FAM47E: variants seen among roughly 807,000 people sequenced by gnomAD.
FAM47E encodes family with sequence similarity 47 member E.
A neutral mutation model predicts 41.6 loss-of-function variants in FAM47E; 32 were observed. The observed-to-expected ratio is 0.77, with a 90% CI of 0.58 to 1.03. The LOEUF (loss-of-function observed/expected upper bound fraction) is 1.03. Among genes scored for constraint, FAM47E ranks in the 50% least tolerant of loss-of-function variants. The pLI is 0.00. For missense variants in FAM47E, 424 were observed against 485.4 expected (o/e 0.87, Z 1.19); for synonymous variants, 184 against 188.7 (o/e 0.98, Z 0.20).
intron 3 of FAM47E, among the ~76,000 whole-genome samples, chr4:76,265,311 C>A (rs756738697): frequency 6.6e-6 from 1 of 152,158 alleles, no homozygotes; most frequent in Non-Finnish European, 1.5e-5. Context: ...CCTGGTCCAG[C>A]CTTGCAGGGG....
chr4:76,271,793 G>A (rs554242487), intron 5 of FAM47E, 25 bp downstream of exon 5: 96 of 1,538,690 alleles, frequency 6.2e-5, no homozygotes, highest in African/African-American at 2.3e-4. Context: ...GGACCAGACC[G>A]AAAATCAAAG....
intron 1 of FAM47E, among the ~76,000 whole-genome samples, chr4:76,253,573 G>C (rs1224428858): frequency 1.3e-5 from 2 of 152,196 alleles, no homozygotes; most frequent in East Asian, 3.9e-4. Context: ...AGGCCATGTG[G>C]GGGAGAGGAA....
chr4:76,268,328 G>A (rs1432276893), intron 3 of FAM47E: 1 of 206,036 alleles, frequency 4.9e-6, no homozygotes, highest in Non-Finnish European at 9.6e-6. Context: ...TGTCAAGGTT[G>A]CCTGAGGCTT....
chr4:76,234,484 CAGAGTCCCT>C (rs1733549999), intron 2 of FAM47E: 1 of 152,196 alleles, frequency 6.6e-6, no homozygotes, highest in Admixed American at 6.5e-5. Context: ...CTTGCTAGGC[CAGAGTCCCT>C]GCTAGAATGC....
chr4:76,219,179 C>A (rs959579314), intron 2 of FAM47E, among the ~76,000 whole-genome samples: 4 of 152,138 alleles, frequency 2.6e-5, no homozygotes, highest in Non-Finnish European at 5.9e-5. Flanking sequence ...TAAGCAATGG[C>A]ACTGGAATAC....
chr4:76,220,165 C>A (rs925413645), intron 2 of FAM47E, among the ~76,000 whole-genome samples: 2 of 152,128 alleles, frequency 1.3e-5, no homozygotes, highest in African/African-American at 4.8e-5. Flanking sequence ...AGGTATATAA[C>A]CCCCAAAATT....
intron 2 of FAM47E, among the ~76,000 whole-genome samples, chr4:76,221,082 C>T (rs9991301): frequency 0.42 from 64,398 of 152,028 alleles, 15,013 homozygotes; most frequent in East Asian, 0.94. Context: ...GACTGCCTGG[C>T]ACCATGCAAT....
intron 2 of FAM47E, among the ~76,000 whole-genome samples, chr4:76,226,577 G>A (rs1438634428): frequency 6.6e-6 from 1 of 152,116 alleles, no homozygotes; most frequent in Non-Finnish European, 1.5e-5. Context: ...CACAGAGCTT[G>A]GTGTTCCATA....
At chr4:76,273,109 A>C (rs1175093319) in intron 5 of FAM47E, among the ~76,000 whole-genome samples, 1 of 152,128 alleles carries the variant, frequency 6.6e-6, no homozygotes, top group Non-Finnish European at 1.5e-5. Context: ...TCCTATATAT[A>C]CTGCGTTTTT....
Position 76,219,151 on chromosome 4 carries a change from AAAAAAT to A in FAM47E, c.81+1478_81+1483del, listed in dbSNP as rs531854860. 4.2e-4 allele frequency among the ~76,000 whole-genome samples: 64 copies of A among 152,286 alleles called. 1 individual carries two copies. The East Asian group carries it at 8.7e-3, about 21-fold the overall frequency. ...GTAAAAGGAAAGCAGTGAAAATTGC[AAAAAAT>A]AAAAATAAAAATAAGCAATGGCACT... On this transcript the variant is annotated intron_variant, in intron 2 of 7. Coordinates refer to the FAM47E transcript ENST00000510197.
intron 1 of FAM47E, among the ~76,000 whole-genome samples, chr4:76,254,907 A>G (rs549211762): frequency 1.3e-5 from 2 of 152,224 alleles, no homozygotes; most frequent in Non-Finnish European, 2.9e-5. Flanking sequence ...CATCTCATCT[A>G]TATGCCCTAA....
upstream of FAM47E, among the ~76,000 whole-genome samples, chr4:76,248,718 T>C (rs549087041): frequency 4.6e-5 from 7 of 152,264 alleles, no homozygotes; most frequent in African/African-American, 1.7e-4. Context: ...CATCACAAGT[T>C]GATAATTGCT....
intron 4 of FAM47E, among the ~76,000 whole-genome samples, chr4:76,270,837 C>G (rs1209408613): frequency 1.3e-5 from 2 of 152,114 alleles, no homozygotes; most frequent in African/African-American, 4.8e-5. Flanking sequence ...TTTTTCACCT[C>G]ATTGATTCTG....
At chr4:76,216,326 T>A (rs949757300) in intron 1 of FAM47E, among the ~76,000 whole-genome samples, 48 of 152,212 alleles carry the variant, frequency 3.2e-4, no homozygotes, top group African/African-American at 1.2e-3. Flanking sequence ...GAAAAAAAAA[T>A]TTGGTAACTT....
At chr4:76,264,066 G>A (rs941005368) in intron 3 of FAM47E, among the ~76,000 whole-genome samples, 2 of 152,184 alleles carry the variant, frequency 1.3e-5, no homozygotes. Context: ...CGTCTATAAG[G>A]AAATTCCAGA....
At chr4:76,270,285 G>C (rs1476308147) in intron 4 of FAM47E, among the ~76,000 whole-genome samples, 5 of 152,158 alleles carry the variant, frequency 3.3e-5, no homozygotes, top group Non-Finnish European at 1.5e-5. Context: ...AGACAGCAAA[G>C]CTTTTCCATT....
chr4:76,282,097 GA>G (rs1385276683), intron 7 of FAM47E: 2 of 151,688 alleles, frequency 1.3e-5, no homozygotes, highest in Non-Finnish European at 2.9e-5. Context: ...ACAGAGATAA[GA>G]ATTTACAATA....
Position 76,256,262 on chromosome 4 carries a change from C to A in FAM47E, c.159C>A (p.Asp53Glu), listed in dbSNP as rs61740422. ...RQLVFPRKGL[D>E]DFRKGCPPCT... ...TGGTATTTCCAAGAAAGGGGCTGGA[C>A]GACTTCAGGAAGGGCTGCCCGCCTT... The change falls in exon 2 of 8, where the codon GAC becomes GAA. Residue 53 changes from aspartate to glutamate, a missense_variant. Asp to Glu is a conservative substitution (Grantham distance 45, BLOSUM62 2). Transcript: ENST00000424749. The A allele has an allele frequency of 2.6e-6, 4 of 1,551,684 alleles. No individual in the cohort carries two copies. The East Asian group carries it at 7.3e-5, about 28-fold the overall frequency.
chr4:76,229,160 T>C (rs1177609101), intron 2 of FAM47E, among the ~76,000 whole-genome samples: 7 of 152,236 alleles, frequency 4.6e-5, no homozygotes, highest in Non-Finnish European at 1.0e-4. Context: ...TTTATATTTT[T>C]CTAAGTGTGT....
Sources: gnomAD v4.1 joint callset for allele counts (sites outside exome capture counted in the v4.1 genomes callset) on GRCh38, gnomAD v4.1.1 for gene constraint, MANE v1.5 for transcripts, NCBI Gene and HGNC (gene_info 2026-07-23, HGNC 2026-07-21) for gene names.